Variants in LIN9 observed in about 807,000 individuals in gnomAD.
LIN9 encodes the protein lin-9 DREAM MuvB core complex component.
A neutral mutation model predicts 78.0 loss-of-function variants in LIN9; 18 were observed. The ratio of observed to expected loss-of-function variants is 0.23; its 90% CI spans 0.16 to 0.34. LIN9 has a LOEUF of 0.34. LIN9 is among the 10% of genes least tolerant of loss of function. The pLI is 1.00. For synonymous variants in LIN9, 192 were observed against 215.2 expected, an observed-to-expected ratio of 0.89 and a Z score of 0.94; for missense variants, 451 against 644.1, an observed-to-expected ratio of 0.70 and a Z score of 3.25.
intron 11 of LIN9, among the ~76,000 whole-genome samples, chr1:226,241,876 G>A (rs1002390170): frequency 6.6e-6 from 1 of 151,624 alleles, no homozygotes; most frequent in Non-Finnish European, 1.5e-5. Flanking sequence ...AAAAGAAAAG[G>A]GGGTGATGTA....
intron 4 of LIN9, among the ~76,000 whole-genome samples, chr1:226,289,116 T>C (rs911252896): frequency 1.3e-5 from 2 of 151,952 alleles, no homozygotes; most frequent in Admixed American, 6.6e-5. Flanking sequence ...GTGCCTGTAG[T>C]GCCAGCTACT....
At chr1:226,283,158 G>A (rs1053505431) in intron 6 of LIN9, among the ~76,000 whole-genome samples, 2 of 151,530 alleles carry the variant, frequency 1.3e-5, no homozygotes, top group African/African-American at 4.9e-5. Flanking sequence ...GCAGGGTCTT[G>A]TTCTGTTGCC....
chr1:226,275,596 T>C (rs1660594773), intron 7 of LIN9, among the ~76,000 whole-genome samples: 2 of 144,754 alleles, frequency 1.4e-5, no homozygotes, highest in Admixed American at 1.5e-4. Context: ...GGGAGGCTGA[T>C]GCAGGAGAAT....
At chr1:226,279,482 G>C (rs1354372291) in intron 6 of LIN9, among the ~76,000 whole-genome samples, 2 of 150,602 alleles carry the variant, frequency 1.3e-5, no homozygotes, top group African/African-American at 4.9e-5. Context: ...AAAAAAAAGA[G>C]CTGGGCAAAG....
At chr1:226,297,079 C>T (rs962731952) in intron 3 of LIN9, among the ~76,000 whole-genome samples, 13 of 152,144 alleles carry the variant, frequency 8.5e-5, no homozygotes, top group African/African-American at 3.1e-4. Flanking sequence ...ACACTGCCCC[C>T]CTTCCCTGAC....
chr1:226,287,384 T>C (rs955108118), intron 5 of LIN9, among the ~76,000 whole-genome samples: 32 of 152,074 alleles, frequency 2.1e-4, no homozygotes, highest in African/African-American at 6.7e-4. Flanking sequence ...AATAATGGTG[T>C]TTTAAGGTAT....
intron 1 of LIN9, among the ~76,000 whole-genome samples, chr1:226,305,306 CAAAAAAAAGAA>C (rs1662833419): frequency 5.2e-5 from 1 of 19,098 alleles, no homozygotes; most frequent in African/African-American, 1.8e-4. Flanking sequence ...CTCGTCTCTA[CAAAAAAAAGAA>C]AAAAAAAAAA....
At chr1:226,250,410 T>C (rs767262640) in intron 11 of LIN9, among the ~76,000 whole-genome samples, 9 of 152,154 alleles carry the variant, frequency 5.9e-5, no homozygotes, top group Admixed American at 5.2e-4. Context: ...GAACCTAATA[T>C]ATCCATTAAT....
At chr1:226,276,840 C>A (rs1660695157) in intron 7 of LIN9, among the ~76,000 whole-genome samples, 2 of 152,094 alleles carry the variant, frequency 1.3e-5, no homozygotes, top group Admixed American at 1.3e-4. Context: ...CATGAGTACA[C>A]AGAATCACAT....
rs750023999 is a variant in LIN9 at position 226,232,105 on chromosome 1, C to G, written c.*396G>C. On this transcript the variant is annotated 3_prime_UTR_variant, in exon 15 of 15. Coordinates refer to ENST00000681046, the MANE Select transcript of LIN9 (RefSeq NM_001366245.2). ...TCTGGATGGAATTTCCACACTGCCA[C>G]CGACATGAATAAAAAGACCAGGTTT... 2.1e-4 allele frequency: 83 copies of G among 398,650 alleles called. No homozygotes were observed. Among genetic ancestry groups the G allele is most frequent in the Non-Finnish European group, 3.5e-4 (80 of 226,090 alleles). 24.7% of individuals were successfully genotyped at this position (398,650 alleles called of 1,614,324 possible).
At chr1:226,266,443 T>C in intron 8 of LIN9, 111 bp from the exon 9 acceptor site, 1 of 731,550 alleles carries the variant, frequency 1.4e-6, no homozygotes, top group South Asian at 3.2e-5. Flanking sequence ...CTATGATTCA[T>C]ATAGAATTTA....
Position 226,263,486 on chromosome 1 carries a change from G to A in LIN9, c.1038+2047C>T, listed in dbSNP as rs148971422. ...TTAAAAATCAAATATAACAAGGATCGATAAAAATATCACATAGTGATATTT... is the reference window on the plus strand; with the variant it reads ...TTAAAAATCAAATATAACAAGGATCAATAAAAATATCACATAGTGATATTT... On this transcript the variant is annotated intron_variant, in intron 10 of 14. Coordinates refer to ENST00000681046, the MANE Select transcript of LIN9 (RefSeq NM_001366245.2). 4.6e-5 allele frequency among the ~76,000 whole-genome samples: 7 copies of A among 152,072 alleles called. No individual in the cohort carries two copies. The East Asian group carries it at 1.3e-3, about 29-fold the overall frequency.
chr1:226,300,706 A>G (rs1205580098), intron 2 of LIN9, among the ~76,000 whole-genome samples: 2 of 152,204 alleles, frequency 1.3e-5, no homozygotes, highest in South Asian at 4.1e-4. Flanking sequence ...AATTACAAAA[A>G]TTAGCCAGGC....
Position 226,233,517 on chromosome 1 carries a change from G to A in LIN9, c.1252C>T (p.Pro418Ser), listed in dbSNP as rs770313501. The A allele has an allele frequency of 5.0e-6, 8 of 1,612,598 alleles. No individual in the cohort carries two copies. The highest frequency in any genetic ancestry group is 1.1e-5 in the South Asian group (1 of 90,714). Residue 418 changes from proline (P) to serine (S), a missense_variant, in exon 13 of 15, where the codon CCA (proline) becomes TCA (serine). Coordinates refer to ENST00000681046, the MANE Select transcript of LIN9 (RefSeq NM_001366245.2). ...KVQQYCYELA[P>S]DQGLQPADQP... The stretch of plus-strand genomic sequence containing the variant: ...TCTGCAGGCTGGAGCCCCTGGTCTG[G>A]AGCAAGCTGAATACAGATGATTGAA...
At chr1:226,295,729 C>G (rs574639545) in intron 4 of LIN9, 113 bp downstream of exon 4, 43 of 625,338 alleles carry the variant, frequency 6.9e-5, no homozygotes, top group African/African-American at 2.7e-4. Flanking sequence ...AGCAGCCGTA[C>G]GAATTTAAAG....
At chr1:226,249,837 G>T (rs922456252) in intron 11 of LIN9, among the ~76,000 whole-genome samples, 2 of 152,144 alleles carry the variant, frequency 1.3e-5, no homozygotes, top group African/African-American at 4.8e-5. Context: ...ACAATTCAAA[G>T]ACTTTCTTAG....
At chr1:226,254,828 G>A (rs1026618299) in intron 10 of LIN9, among the ~76,000 whole-genome samples, 3 of 150,638 alleles carry the variant, frequency 2.0e-5, no homozygotes, top group African/African-American at 2.4e-5. Flanking sequence ...GAAGAATGGC[G>A]TGAACCCGGA....
intron 6 of LIN9, among the ~76,000 whole-genome samples, chr1:226,279,034 G>A (rs1292204483): frequency 2.0e-5 from 3 of 151,950 alleles, no homozygotes; most frequent in East Asian, 3.9e-4. Flanking sequence ...GGCGGCGGGT[G>A]CCTGTAGTCC....
intron 12 of LIN9, among the ~76,000 whole-genome samples, chr1:226,233,905 A>G (rs1024063032): frequency 6.6e-6 from 1 of 152,140 alleles, no homozygotes; most frequent in Non-Finnish European, 1.5e-5. Context: ...TAATCACTCC[A>G]GTTTGTATTT....
Sources: allele counts gnomAD v4.1 joint callset (sites outside exome capture counted in the v4.1 genomes callset), GRCh38; gene constraint gnomAD v4.1.1; transcripts MANE v1.5; gene names NCBI Gene and HGNC (gene_info 2026-07-23, HGNC 2026-07-21).